ATP8A2: variants seen among roughly 807,000 people sequenced by gnomAD.
ATP8A2 encodes the protein ATPase phospholipid transporting 8A2.
Under a neutral mutation model 165.6 loss-of-function variants are expected in ATP8A2, and 100 were observed. The observed-to-expected ratio is 0.60, with a 90% CI of 0.51 to 0.71. ATP8A2 has a LOEUF of 0.71. Among genes scored for constraint, ATP8A2 ranks in the 30% least tolerant of loss-of-function variants. The pLI is 0.00. For missense variants in ATP8A2, 1,227 were observed against 1,479.5 expected, an observed-to-expected ratio of 0.83 and a Z score of 2.80; for synonymous variants, 543 against 548.8, an observed-to-expected ratio of 0.99 and a Z score of 0.15.
At chr13:25,574,064 T>C (rs1053783060) in intron 18 of ATP8A2, among the ~76,000 whole-genome samples, 1 of 152,256 alleles carries the variant, frequency 6.6e-6, no homozygotes, top group Non-Finnish European at 1.5e-5. Flanking sequence ...AAAGGCCATG[T>C]TCTTTCCACT....
At chr13:25,421,500 A>G in intron 1 of ATP8A2, among the ~76,000 whole-genome samples, 1 of 152,106 alleles carries the variant, frequency 6.6e-6, no homozygotes, top group East Asian at 1.9e-4. Flanking sequence ...GCACCTGGGT[A>G]TTTTTAAAAC....
chr13:25,569,169 C>T (rs914799229), intron 16 of ATP8A2, among the ~76,000 whole-genome samples: 3 of 152,152 alleles, frequency 2.0e-5, no homozygotes, highest in African/African-American at 4.8e-5. Flanking sequence ...TAAATTCTCA[C>T]ATAAAGTACT....
chr13:25,530,727 G>T (rs1193166014), intron 4 of ATP8A2, 67 bp downstream of exon 4: 3 of 1,002,010 alleles, frequency 3.0e-6, no homozygotes, highest in East Asian at 5.2e-5. Flanking sequence ...TGTTGCCTCG[G>T]GTGATATATT....
chr13:25,593,884 T>A (rs1015459847), intron 24 of ATP8A2, among the ~76,000 whole-genome samples: 3 of 152,194 alleles, frequency 2.0e-5, no homozygotes. Context: ...ATAAGTGAAT[T>A]GAGGATAACA....
intron 25 of ATP8A2, among the ~76,000 whole-genome samples, chr13:25,753,427 C>T (rs2044196376): frequency 1.3e-5 from 2 of 152,202 alleles, no homozygotes; most frequent in African/African-American, 2.4e-5. Context: ...ATACAGTCCT[C>T]TGTTTGCCTT....
intron 24 of ATP8A2, among the ~76,000 whole-genome samples, chr13:25,627,999 G>A (rs1283558062): frequency 6.6e-6 from 1 of 152,182 alleles, no homozygotes; most frequent in East Asian, 1.9e-4. Flanking sequence ...ACATAAAGAA[G>A]CCATGATCAC....
rs548472746 is a variant in ATP8A2, at chr13:25,494,244, C to A, written c.221+25123C>A. On this transcript the variant is annotated intron_variant, in intron 2 of 36. Transcript: ENST00000381655. ...ATTGCTGTGTTGAATAATGTACTTC[C>A]GTTTCTTAATCCTTTGGTGATTAAA... Among the ~76,000 whole-genome samples the A allele has an allele frequency of 3.3e-5, 5 of 152,106 alleles. No individual in the cohort carries two copies. In the South Asian group the frequency reaches 1.0e-3, roughly 32 times the overall value.
intron 33 of ATP8A2, among the ~76,000 whole-genome samples, chr13:25,903,403 C>G (rs1469158021): frequency 6.6e-6 from 1 of 152,174 alleles, no homozygotes; most frequent in Non-Finnish European, 1.5e-5. Flanking sequence ...TCACTTCCCA[C>G]TAACCCCACC....
At chr13:25,626,667 G>A (rs1379151559) in intron 24 of ATP8A2, among the ~76,000 whole-genome samples, 2 of 152,044 alleles carry the variant, frequency 1.3e-5, no homozygotes, top group East Asian at 3.9e-4. Context: ...GTTAAGGAGT[G>A]GTATGGGGAG....
chr13:25,417,061 A>G (rs2034153017), intron 1 of ATP8A2, among the ~76,000 whole-genome samples: 1 of 152,134 alleles, frequency 6.6e-6, no homozygotes, highest in African/African-American at 2.4e-5. Context: ...ATTCCAGATC[A>G]AGTAAAGCCA....
chr13:25,667,371 C>G (rs896836995), intron 24 of ATP8A2, among the ~76,000 whole-genome samples: 2 of 152,082 alleles, frequency 1.3e-5, no homozygotes, highest in African/African-American at 2.4e-5. Flanking sequence ...TCATGAATGT[C>G]TTGGTACTGT....
chr13:25,679,059 A>G (rs762240221), intron 24 of ATP8A2, among the ~76,000 whole-genome samples: 28 of 152,176 alleles, frequency 1.8e-4, no homozygotes, highest in South Asian at 2.1e-4. Flanking sequence ...TTCTAGTAAG[A>G]ATTTTAAAAT....
At chr13:25,805,193 A>G (rs149279388) in intron 27 of ATP8A2, among the ~76,000 whole-genome samples, 9 of 151,158 alleles carry the variant, frequency 6.0e-5, no homozygotes, top group African/African-American at 2.2e-4. Flanking sequence ...CATCTACCCT[A>G]TTTTTTTTCC....
intron 8 of ATP8A2, among the ~76,000 whole-genome samples, chr13:25,541,037 AT>A (rs1389078689): frequency 6.6e-6 from 1 of 151,450 alleles, no homozygotes; most frequent in African/African-American, 2.4e-5. Context: ...TAATTTTTAT[AT>A]TTTTTTAGTA....
intron 1 of ATP8A2, among the ~76,000 whole-genome samples, chr13:25,434,631 G>A (rs931002034): frequency 2.0e-5 from 3 of 152,162 alleles, no homozygotes; most frequent in African/African-American, 7.2e-5. Context: ...TTACAGGCAT[G>A]AGCCACTGTG....
chr13:26,019,038 C>G (rs568639108), intron 36 of ATP8A2, among the ~76,000 whole-genome samples: 1 of 152,130 alleles, frequency 6.6e-6, no homozygotes, highest in Non-Finnish European at 1.5e-5. Flanking sequence ...TATTGTGTAA[C>G]CTTTTTCTTT....
At chr13:25,851,582 CAA>C (rs200852097) in intron 30 of ATP8A2, among the ~76,000 whole-genome samples, 13 of 109,004 alleles carry the variant, frequency 1.2e-4, no homozygotes, top group African/African-American at 1.4e-4. Flanking sequence ...GACTCTGTCT[CAA>C]AAAAAAAAAA....
At chr13:25,553,701 G>C in intron 11 of ATP8A2, 92 bp from the exon 12 acceptor site, 1 of 1,304,946 alleles carries the variant, frequency 7.7e-7, no homozygotes, top group Non-Finnish European at 1.1e-6. Flanking sequence ...ACATGCAGGA[G>C]GTGCTCAATA....
chr13:25,845,636 T>C (rs1951843933), intron 30 of ATP8A2, among the ~76,000 whole-genome samples: 1 of 152,246 alleles, frequency 6.6e-6, no homozygotes, highest in Non-Finnish European at 1.5e-5. Context: ...ATGTTTTGTA[T>C]ACTGAAATAG....
Sources: gnomAD v4.1 joint callset for allele counts (sites outside exome capture counted in the v4.1 genomes callset) on GRCh38, gnomAD v4.1.1 for gene constraint, MANE v1.5 for transcripts, NCBI Gene and HGNC (gene_info 2026-07-23, HGNC 2026-07-21) for gene names.